The following TBC1D5 variants were observed in gnomAD, a reference collection of about 807,000 sequenced individuals.
TBC1D5 encodes the protein TBC1 domain family member 5.
TBC1D5 carries 75 observed loss-of-function variants against 100.3 expected under a neutral mutation model. The observed-to-expected ratio is 0.75, with a 90% CI of 0.62 to 0.91. TBC1D5 has a LOEUF of 0.91. Among genes scored for constraint, TBC1D5 ranks in the 40% least tolerant of loss-of-function variants. The pLI, the probability that TBC1D5 is intolerant of heterozygous loss-of-function variation, is 0.00. For missense variants in TBC1D5, 910 were observed against 942.4 expected, an observed-to-expected ratio of 0.97 and a Z score of 0.45; for synonymous variants, 323 against 325.6, an observed-to-expected ratio of 0.99 and a Z score of 0.09.
At chr3:17,509,125 A>T (rs1046763914) in intron 2 of TBC1D5, among the ~76,000 whole-genome samples, 4 of 152,016 alleles carry the variant, frequency 2.6e-5, no homozygotes, top group Non-Finnish European at 5.9e-5. Flanking sequence ...CATACTGATT[A>T]TGTAATCTAT....
intron 2 of TBC1D5, among the ~76,000 whole-genome samples, chr3:17,602,947 C>A (rs1232221707): frequency 6.6e-6 from 1 of 151,984 alleles, no homozygotes; most frequent in Non-Finnish European, 1.5e-5. Flanking sequence ...CAGACGGAAC[C>A]AAAATACATC....
At chr3:17,665,905 G>T (rs768910173) in intron 1 of TBC1D5, among the ~76,000 whole-genome samples, 73 of 152,016 alleles carry the variant, frequency 4.8e-4, no homozygotes, top group Non-Finnish European at 3.7e-4. Context: ...AGGGTCTTTT[G>T]TGTGTGTGAC....
intron 13 of TBC1D5, among the ~76,000 whole-genome samples, chr3:17,371,265 T>C (rs1399274385): frequency 1.3e-5 from 2 of 152,178 alleles, no homozygotes; most frequent in Non-Finnish European, 2.9e-5. Context: ...GATCATATGA[T>C]ATAATGGAAA....
At chr3:17,421,280 CTG>C (rs1206679982) in intron 4 of TBC1D5, among the ~76,000 whole-genome samples, 2 of 57,196 alleles carry the variant, frequency 3.5e-5, no homozygotes, top group African/African-American at 1.3e-4. Context: ...TATTAAGACT[CTG>C]ATTTCTAAAA....
At chr3:17,440,940 C>G (rs1156230007) in intron 3 of TBC1D5, among the ~76,000 whole-genome samples, 1 of 152,024 alleles carries the variant, frequency 6.6e-6, no homozygotes, top group African/African-American at 2.4e-5. Context: ...CCGTGTCCCA[C>G]CAAAAAGATT....
chr3:17,197,471 G>C (rs973906257), intron 18 of TBC1D5, among the ~76,000 whole-genome samples: 1 of 152,098 alleles, frequency 6.6e-6, no homozygotes, highest in Non-Finnish European at 1.5e-5. Flanking sequence ...TGAACTCCTA[G>C]GTTTAAGCGA....
chr3:17,292,411 C>CTTTG (rs2081855247), intron 14 of TBC1D5, among the ~76,000 whole-genome samples: 4 of 116,294 alleles, frequency 3.4e-5, no homozygotes, highest in African/African-American at 1.3e-4. Flanking sequence ...ATAATATTTA[C>CTTTG]CTTATTATGC....
Position 17,428,536 on chromosome 3 carries a change from C to T in TBC1D5, c.98-17G>A, listed in dbSNP as rs374890874. 26 of 1,393,868 alleles carry T rather than the reference C, an allele frequency of 1.9e-5. No individual in the cohort carries two copies. Among genetic ancestry groups the T allele is most frequent in the African/African-American group, 1.0e-4 (7 of 67,598 alleles). 86.3% of individuals were successfully genotyped at this position (1,393,868 alleles called of 1,614,324 possible). On this transcript the variant is annotated splice_polypyrimidine_tract_variant and intron_variant, in intron 3 of 21. Coordinates refer to ENST00000253692, the Ensembl canonical transcript of TBC1D5. ...TTGAATCTCCTGGAGAAAAAAATTA[C>T]GACACTGAAATAATGGAGATAAACT...
At chr3:17,728,892 T>C (rs1347811591) in intron 1 of TBC1D5, among the ~76,000 whole-genome samples, 1 of 151,092 alleles carries the variant, frequency 6.6e-6, no homozygotes, top group Admixed American at 6.6e-5. Flanking sequence ...TACATAAAAA[T>C]GTAATAGTTC....
rs748737528 is a variant in TBC1D5, at chr3:17,739,671, A to C, written c.-429T>G. On this transcript the variant is annotated 5_prime_UTR_variant, in exon 1 of 22. Transcript: ENST00000253692. ...CACTCAGAAAAGATTACAAGCACTG[A>C]GGCGGATGACAAATTTGACTTTTAA... 7 of 152,262 alleles carry C rather than the reference A, an allele frequency of 4.6e-5. No individual in the cohort carries two copies. In the South Asian group the frequency reaches 6.2e-4, roughly 13 times the overall value. 9.4% of individuals were successfully genotyped at this position (152,262 alleles called of 1,614,324 possible). A position where few individuals can be genotyped will look rare whatever the true frequency, so the allele number is the denominator to read the frequency against.
chr3:17,407,026 A>G (rs1384392661), intron 4 of TBC1D5, among the ~76,000 whole-genome samples: 1 of 152,126 alleles, frequency 6.6e-6, no homozygotes, highest in Non-Finnish European at 1.5e-5. Context: ...TACTACTGAA[A>G]TTGCAACTTC....
chr3:17,391,349 G>A (rs1476355898), intron 8 of TBC1D5, among the ~76,000 whole-genome samples: 1 of 152,010 alleles, frequency 6.6e-6, no homozygotes, highest in Non-Finnish European at 1.5e-5. Flanking sequence ...CCATAGTCAA[G>A]CCATCAAACG....
At chr3:17,288,876 G>A (rs1233914297) in intron 15 of TBC1D5, among the ~76,000 whole-genome samples, 4 of 152,132 alleles carry the variant, frequency 2.6e-5, no homozygotes, top group Non-Finnish European at 4.4e-5. Flanking sequence ...AGAGGGTTGC[G>A]ACCCCTTGTG....
Position 17,443,360 on chromosome 3 carries a change from C to T in TBC1D5, c.98-14841G>A, listed in dbSNP as rs974505013. ...GACACCAAGTAGCCATAAAATTAACCGAACAATACCACGTGCTGGATACCA... is the reference window on the plus strand; with the variant it reads ...GACACCAAGTAGCCATAAAATTAACTGAACAATACCACGTGCTGGATACCA... On this transcript the variant is annotated intron_variant, in intron 3 of 21. Coordinates refer to ENST00000253692, the Ensembl canonical transcript of TBC1D5. Among the ~76,000 whole-genome samples, 16 of 152,228 alleles carry T rather than the reference C, an allele frequency of 1.1e-4. No individual in the cohort carries two copies. The South Asian group carries it at 2.1e-3, about 20-fold the overall frequency.
intron 2 of TBC1D5, among the ~76,000 whole-genome samples, chr3:17,564,218 C>A (rs1359050518): frequency 6.6e-6 from 1 of 152,190 alleles, no homozygotes; most frequent in Admixed American, 6.5e-5. Flanking sequence ...ACGACCTCCC[C>A]AGACATTACT....
intron 15 of TBC1D5, among the ~76,000 whole-genome samples, chr3:17,277,908 A>G (rs1307009208): frequency 6.6e-6 from 1 of 152,186 alleles, no homozygotes; most frequent in African/African-American, 2.4e-5. Flanking sequence ...GTATTATCAA[A>G]CGATCTCTAG....
chr3:17,533,857 C>G (rs1000060600), intron 2 of TBC1D5, among the ~76,000 whole-genome samples: 1 of 151,206 alleles, frequency 6.6e-6, no homozygotes, highest in Non-Finnish European at 1.5e-5. Context: ...CTCCTTCATT[C>G]TCCACATACA....
intron 13 of TBC1D5, among the ~76,000 whole-genome samples, chr3:17,364,285 T>G (rs568017260): frequency 5.3e-5 from 8 of 152,294 alleles, no homozygotes; most frequent in African/African-American, 1.9e-4. Flanking sequence ...TTTCCTTCTT[T>G]TGTTTTTCTT....
chr3:17,335,594 C>A (rs1165454125), intron 13 of TBC1D5, among the ~76,000 whole-genome samples: 1 of 152,126 alleles, frequency 6.6e-6, no homozygotes, highest in Non-Finnish European at 1.5e-5. Context: ...CCGACTTGTA[C>A]ACTTAATCTG....
Sources: allele counts gnomAD v4.1 joint callset (sites outside exome capture counted in the v4.1 genomes callset), GRCh38; gene constraint gnomAD v4.1.1; transcripts MANE v1.5; gene names NCBI Gene and HGNC (gene_info 2026-07-23, HGNC 2026-07-21).